The following NPRL3 variants were observed in gnomAD, a reference collection of about 807,000 sequenced individuals.
NPRL3 encodes the protein NPR3 like, GATOR1 complex subunit, also known as GATOR1 complex protein NPRL3.
A neutral mutation model predicts 57.2 loss-of-function variants in NPRL3; 23 were observed. The ratio of observed to expected loss-of-function variants is 0.40; its 90% CI spans 0.29 to 0.57. NPRL3 has a LOEUF of 0.57. Among genes scored for constraint, NPRL3 ranks in the 20% least tolerant of loss-of-function variants. The pLI is 0.42. For synonymous variants in NPRL3, 333 were observed against 321.1 expected (o/e 1.04, Z -0.39); for missense variants, 691 against 767.1 (o/e 0.90, Z 1.17).
Position 124,266 on chromosome 16 carries a change from A to G in NPRL3, c.189-5011T>C, listed in dbSNP as rs182259590. On this transcript the variant is annotated intron_variant, in intron 3 of 13. Coordinates refer to ENST00000611875, the MANE Select transcript of NPRL3 (RefSeq NM_001077350.3). ...CAAAAGTCATTTTTCAGAAGTAAGC[A>G]CAAGGCTGGCAGAGCTGGGTCAGAC... Among the ~76,000 whole-genome samples, 6 of 152,386 alleles carry G rather than the reference A, an allele frequency of 3.9e-5. No individual in the cohort carries two copies. The East Asian group carries it at 1.2e-3, about 29-fold the overall frequency.
intron 7 of NPRL3, among the ~76,000 whole-genome samples, chr16:110,116 A>G (rs1388042487): frequency 6.6e-6 from 1 of 152,106 alleles, no homozygotes; most frequent in African/African-American, 2.4e-5. Context: ...CTAAAAATAC[A>G]CAACTAGCCG....
chr16:125,927 G>C (rs1003421542), intron 3 of NPRL3: 2 of 152,352 alleles, frequency 1.3e-5, no homozygotes, highest in African/African-American at 2.4e-5. Context: ...GGGAGGACCT[G>C]TATGTTGTGA....
chr16:112,341 G>C (rs1206377502), intron 6 of NPRL3, among the ~76,000 whole-genome samples: 1 of 152,252 alleles, frequency 6.6e-6, no homozygotes, highest in African/African-American at 2.4e-5. Context: ...CCCGTGTGAA[G>C]ATCATGTAAC....
chr16:126,611 C>G (rs1420002714), intron 3 of NPRL3, among the ~76,000 whole-genome samples: 1 of 151,996 alleles, frequency 6.6e-6, no homozygotes, highest in Non-Finnish European at 1.5e-5. Flanking sequence ...GAGGGACATG[C>G]CCACACCAGC....
At chr16:89,244 T>C in intron 12 of NPRL3, 1 of 307,120 alleles carries the variant, frequency 3.3e-6, no homozygotes. Flanking sequence ...GCATGAAGCC[T>C]ACAGCCAGAC....
At position 119,144 on chromosome 16, in the gene NPRL3, T is replaced by C. The variant is rs1313196761; in HGVS notation, c.300A>G (p.Leu100=). The C allele has an allele frequency of 6.2e-7, 1 of 1,613,658 alleles. No individual in the cohort carries two copies. Among genetic ancestry groups the C allele is most frequent in the Non-Finnish European group, 8.5e-7 (1 of 1,179,730 alleles). The change falls in exon 4 of 14, where the codon CTA becomes CTG. Residue 100 remains leucine, a synonymous_variant. Coordinates refer to ENST00000611875, the MANE Select transcript of NPRL3 (RefSeq NM_001077350.3). The part of the protein sequence containing the change: ...NVRFVGHPTL[L]QHALGQISKT... Reference sequence around the variant, plus strand: ...GCCATACCTGCCCCAGAGCATGCTGTAGCAGTGTTGGGTGCCCAACAAATC... The same window carrying C: ...GCCATACCTGCCCCAGAGCATGCTGCAGCAGTGTTGGGTGCCCAACAAATC...
At chr16:91,417 T>A (rs960567333) in intron 11 of NPRL3, among the ~76,000 whole-genome samples, 1 of 152,200 alleles carries the variant, frequency 6.6e-6, no homozygotes, top group Non-Finnish European at 1.5e-5. Context: ...TTCCCAGCAC[T>A]GGAGCCCAGG....
chr16:112,094 C>T (rs1899839393), intron 6 of NPRL3, among the ~76,000 whole-genome samples: 1 of 152,218 alleles, frequency 6.6e-6, no homozygotes, highest in Non-Finnish European at 1.5e-5. Context: ...TCCACCTCAC[C>T]AGCTGGATAT....
chr16:86,121 A>G lies in NPRL3; in HGVS notation c.*584T>C, dbSNP rs1225171921. ...CCCCAGATGGTCAGGACCAGGTCAC[A>G]GCTTGGCTATGAGCCTGTTTGCGGC... On this transcript the variant is annotated 3_prime_UTR_variant, in exon 14 of 14. Transcript: ENST00000611875. The G allele has an allele frequency of 4.6e-5, 11 of 241,364 alleles. No homozygotes were observed. In the Admixed American group the frequency reaches 5.1e-4, roughly 11 times the overall value. The allele number at this position is 241,364 out of a possible 1,614,324, so 15.0% of individuals were successfully genotyped here. A position where few individuals can be genotyped will look rare whatever the true frequency, so the allele number is the denominator to read the frequency against.
intron 5 of NPRL3, among the ~76,000 whole-genome samples, chr16:114,304 T>C (rs773788199): frequency 2.0e-5 from 3 of 152,156 alleles, no homozygotes; most frequent in Admixed American, 6.5e-5. Context: ...AGGCCTGACA[T>C]GGAGTGAGGG....
chr16:111,024 G>A (rs987156984), intron 6 of NPRL3, among the ~76,000 whole-genome samples: 9 of 151,822 alleles, frequency 5.9e-5, no homozygotes, highest in South Asian at 2.1e-4. Context: ...AAAAGATAAC[G>A]TTTAAAAAAA....
At chr16:129,102 G>A (rs1362976814) in intron 3 of NPRL3, among the ~76,000 whole-genome samples, 1 of 152,092 alleles carries the variant, frequency 6.6e-6, no homozygotes, top group African/African-American at 2.4e-5. Flanking sequence ...TATCCTCATG[G>A]TCATGTCATT....
At chr16:109,646 G>C (rs114043948) in intron 7 of NPRL3, among the ~76,000 whole-genome samples, 8,442 of 151,990 alleles carry the variant, frequency 0.056, 755 homozygotes, top group African/African-American at 0.19. Flanking sequence ...TCAGCAAAGG[G>C]GTTTAAAAAA....
chr16:99,871 A>G (rs1009334095), intron 8 of NPRL3, among the ~76,000 whole-genome samples: 2 of 141,014 alleles, frequency 1.4e-5, no homozygotes, highest in African/African-American at 2.6e-5. Context: ...AGGTGGACGT[A>G]GTGGTGAGCC....
intron 2 of NPRL3, among the ~76,000 whole-genome samples, chr16:135,608 C>CAAAAA (rs555589072): frequency 1.8e-5 from 1 of 56,828 alleles, no homozygotes; most frequent in Non-Finnish European, 3.8e-5. Flanking sequence ...GACTCTGTCT[C>CAAAAA]AAAAAAAAAA....
rs1898809121 is a variant in NPRL3 at position 92,634 on chromosome 16, A to C, written c.1123T>G (p.Ser375Ala). ...LAKFSLPVSL[S>A]EFRNPLAPAV... ...GGGGCCAGGGGATTCCTAAATTCTG[A>C]CAAGGAGACCGGCAAGGAGAACTTG... Residue 375 changes from serine to alanine, a missense_variant, in exon 11 of 14, where the codon TCA becomes GCA. Transcript: ENST00000611875. 6.2e-7 allele frequency: 1 copy of C among 1,613,492 alleles called. No homozygotes were observed. Among genetic ancestry groups the C allele is most frequent in the Non-Finnish European group, 8.5e-7 (1 of 1,179,756 alleles).
chr16:102,060 C>T (rs1391043405), intron 7 of NPRL3, among the ~76,000 whole-genome samples: 7 of 152,178 alleles, frequency 4.6e-5, no homozygotes, highest in Admixed American at 3.3e-4. Flanking sequence ...AGGAACACAC[C>T]GCCCTCCCTG....
At position 115,712 on chromosome 16, in the gene NPRL3, C is replaced by A. The variant is rs550422317; in HGVS notation, c.393+1589G>T. On this transcript the variant is annotated intron_variant, in intron 5 of 13. Transcript: ENST00000611875. Reference sequence around the variant, plus strand: ...TGCTGGTCAGCCTGCTCTCAAACTCCTGATCTCAGGTGATCCGCCCGCTTC... The same window carrying A: ...TGCTGGTCAGCCTGCTCTCAAACTCATGATCTCAGGTGATCCGCCCGCTTC... Among the ~76,000 whole-genome samples, 6 of 152,322 alleles carry A rather than the reference C, an allele frequency of 3.9e-5. No individual in the cohort carries two copies. The East Asian group carries it at 1.2e-3, about 29-fold the overall frequency.
chr16:94,828 T>A (rs908456813), intron 9 of NPRL3, among the ~76,000 whole-genome samples: 7 of 152,084 alleles, frequency 4.6e-5, no homozygotes, highest in Non-Finnish European at 8.8e-5. Flanking sequence ...CACCCCCACT[T>A]TCCCCCAGCT....
Sources: gnomAD v4.1 joint callset for allele counts (sites outside exome capture counted in the v4.1 genomes callset) on GRCh38, gnomAD v4.1.1 for gene constraint, MANE v1.5 for transcripts, NCBI Gene and HGNC (gene_info 2026-07-23, HGNC 2026-07-21) for gene names.